ARHGAP45: variants seen among roughly 807,000 people sequenced by gnomAD.
ARHGAP45 encodes the protein rho GTPase-activating protein 45.
ARHGAP45 carries 56 observed loss-of-function variants against 116.1 expected under a neutral mutation model. The observed-to-expected ratio is 0.48, with a 90% confidence interval of 0.39 to 0.60. The LOEUF is 0.60. Among genes scored for constraint, ARHGAP45 ranks in the 20% least tolerant of loss-of-function variants. The pLI, the probability that ARHGAP45 is intolerant of heterozygous loss-of-function variation, is 0.00. For synonymous variants in ARHGAP45, 866 were observed against 701.7 expected (o/e 1.23, Z -3.70); for missense variants, 1,622 against 1,601.0 (o/e 1.01, Z -0.22).
intron 2 of ARHGAP45, among the ~76,000 whole-genome samples, chr19:1,070,328 TC>T (rs1426674610): frequency 5.4e-5 from 7 of 129,816 alleles, no homozygotes; most frequent in African/African-American, 2.2e-4. Context: ...TCTTTTCTTT[TC>T]TTTTTTTTTT....
intron 19 of ARHGAP45, among the ~76,000 whole-genome samples, chr19:1,082,200 A>T (rs1035919938): frequency 1.4e-4 from 8 of 56,502 alleles, no homozygotes; most frequent in Admixed American, 2.6e-4. Context: ...GGACAGGGAC[A>T]GGAGGGGCGG....
chr19:1,080,626 TGATGGAGGGGGCCC>T, intron 15 of ARHGAP45, 42 bp from the exon 16 acceptor site: 1 of 1,603,806 alleles, frequency 6.2e-7, no homozygotes, highest in Non-Finnish European at 8.5e-7. Flanking sequence ...CCCACCGGGG[TGATGGAGGGGGCCC>T]CCCTGGCTGG....
chr19:1,073,393 A>G (rs559936402), intron 3 of ARHGAP45, 101 bp downstream of exon 3: 2 of 1,568,028 alleles, frequency 1.3e-6, no homozygotes, highest in South Asian at 2.3e-5. Flanking sequence ...TAGGAGTTTG[A>G]CAGGCACAAG....
At position 1,085,956 on chromosome 19, in the gene ARHGAP45, G is replaced by C. The variant is rs150328583; in HGVS notation, c.3361G>C (p.Gly1121Arg). ...ACTGCCCCCCATGAGGCTCCGTGGCGGGCGGATGACACTGGGCTCCTGCAG... is the reference window on the plus strand; with the variant it reads ...ACTGCCCCCCATGAGGCTCCGTGGCCGGCGGATGACACTGGGCTCCTGCAG... ...APLPPMRLRG[G>R]RMTLGSCRER... is the part of the protein sequence containing the mutation. Residue 1121 changes from glycine to arginine, a missense_variant, in exon 23 of 23, where the codon GGG (glycine) becomes CGG (arginine). Gly to Arg is a moderately radical substitution (Grantham distance 125). Transcript: ENST00000313093. 2.5e-6 allele frequency: 4 copies of C among 1,612,784 alleles called. No individual in the cohort carries two copies. The highest frequency in any genetic ancestry group is 1.7e-5 in the Admixed American group (1 of 59,996).
At chr19:1,073,070 C>G in intron 2 of ARHGAP45, 79 bp from the exon 3 acceptor site, 1 of 1,472,144 alleles carries the variant, frequency 6.8e-7, no homozygotes, top group Non-Finnish European at 9.1e-7. Flanking sequence ...GGAACAGGAG[C>G]TCTAAAGAGG....
At chr19:1,085,442 TCC>T (rs1599778740) in intron 22 of ARHGAP45, among the ~76,000 whole-genome samples, 1 of 150,698 alleles carries the variant, frequency 6.6e-6, no homozygotes, top group African/African-American at 2.4e-5. Context: ...CTTCCGTTTC[TCC>T]CCTTGTCTCT....
chr19:1,079,727 C>T lies in ARHGAP45; in HGVS notation c.1399C>T (p.Arg467Cys), dbSNP rs754508225. 2.5e-6 allele frequency: 4 copies of T among 1,612,580 alleles called. No individual in the cohort carries two copies. Among genetic ancestry groups the T allele is most frequent in the South Asian group, 1.1e-5 (1 of 91,056 alleles). The part of the protein sequence containing the change: ...NKAEEAMATY[R>C]TCVADAKTQK... The stretch of plus-strand genomic sequence containing the variant: ...GGCGGAGGAAGCTATGGCCACCTAC[C>T]GCACCTGCGTGGCCGACGCGAAGAC... The change falls in exon 12 of 23, where the codon CGC becomes TGC. Residue 467 changes from arginine (R) to cysteine (C), a missense_variant. Coordinates refer to ENST00000313093, the MANE Select transcript of ARHGAP45 (RefSeq NM_012292.5).
At chr19:1,074,588 C>T (rs2043201564) in intron 8 of ARHGAP45, 26 bp from the exon 9 acceptor site, 3 of 1,525,888 alleles carry the variant, frequency 2.0e-6, no homozygotes, top group East Asian at 4.9e-5. Flanking sequence ...CCCTCCCCAC[C>T]CAGTGAGCCG....
In ARHGAP45 at chr19:1,073,582, C is replaced by T. The variant is rs771783235; in HGVS notation, c.642C>T (p.Phe214=). The T allele has an allele frequency of 3.1e-6, 5 of 1,613,838 alleles. No homozygotes were observed. Among genetic ancestry groups the T allele is most frequent in the Non-Finnish European group, 4.2e-6 (5 of 1,179,874 alleles). Residue 214 remains phenylalanine (F), a synonymous_variant, in exon 4 of 23, where the codon TTC becomes TTT. Transcript: ENST00000313093. ...EKALETIAVA[F]SSTVSEFLMG... ...CCCTGGAGACGATTGCTGTGGCCTT[C>T]AGTAGCACGTGAGCACGGGAGCCTG...
Position 1,074,564 on chromosome 19 carries a change from C to T in ARHGAP45, c.994-50C>T, listed in dbSNP as rs369822039. The T allele has an allele frequency of 5.6e-5, 83 of 1,470,722 alleles. No homozygotes were observed. In the African/African-American group the frequency reaches 1.0e-3, roughly 18 times the overall value. 91.1% of individuals were successfully genotyped at this position (1,470,722 alleles called of 1,614,324 possible). A position where few individuals can be genotyped will look rare whatever the true frequency, so the allele number is the denominator to read the frequency against. ...AGCTGGTGGCTGGGGGTGCTGGGGCCGCCCTGCCTCCATCCCTCCCCACCC... is the reference window on the plus strand; with the variant it reads ...AGCTGGTGGCTGGGGGTGCTGGGGCTGCCCTGCCTCCATCCCTCCCCACCC... On this transcript the variant is annotated intron_variant, in intron 8 of 22. Transcript: ENST00000313093.
At position 1,073,534 on chromosome 19, in the gene ARHGAP45, G is replaced by A. The variant is rs765767737; in HGVS notation, c.594G>A (p.Leu198=). 1.2e-6 allele frequency: 2 copies of A among 1,613,994 alleles called. No homozygotes were observed. Among genetic ancestry groups the A allele is most frequent in the Non-Finnish European group, 1.7e-6 (2 of 1,179,968 alleles). The change falls in exon 4 of 23, where the codon CTG becomes CTA. Residue 198 remains leucine (L), a synonymous_variant. Coordinates refer to ENST00000313093, the MANE Select transcript of ARHGAP45 (RefSeq NM_012292.5). ...TCCATTATGAGAGCAACAATGATCTGGAGAAACAGGAGTTCGAGAAGGCCC... is the reference window on the plus strand; with the variant it reads ...TCCATTATGAGAGCAACAATGATCTAGAGAAACAGGAGTTCGAGAAGGCCC... The part of the protein sequence containing the change: ...KAFHYESNND[L]EKQEFEKALE...
intron 21 of ARHGAP45, 120 bp downstream of exon 21, chr19:1,083,473 C>T (rs1164757372): frequency 4.6e-6 from 4 of 878,672 alleles, no homozygotes; most frequent in East Asian, 2.7e-5. Flanking sequence ...TTGGTTTGGA[C>T]AGGGCTGTTC....
Position 1,086,395 on chromosome 19 carries a change from T to G in ARHGAP45, c.*389T>G. ...GCCCTGCCCTCTCCTCACAGGTCTG[T>G]TGCAGGGACTCCAGAAACCATTCTG... On this transcript the variant is annotated 3_prime_UTR_variant, in exon 23 of 23. Coordinates refer to ENST00000313093, the MANE Select transcript of ARHGAP45 (RefSeq NM_012292.5). 1 of 194,964 alleles carries G rather than the reference T, an allele frequency of 5.1e-6. No individual in the cohort carries two copies. Among genetic ancestry groups the G allele is most frequent in the Non-Finnish European group, 1.1e-5 (1 of 93,210 alleles). The allele number at this position is 194,964 out of a possible 1,614,324, so 12.1% of individuals were successfully genotyped here.
At chr19:1,066,154 C>G, upstream of ARHGAP45, 2 of 1,535,516 alleles carry the variant, frequency 1.3e-6, no homozygotes, top group Non-Finnish European at 1.7e-6. Context: ...ATCTGCCCCT[C>G]CCACCCGAGG....
In ARHGAP45 at chr19:1,081,682, C is replaced by T. The variant is rs752374817; in HGVS notation, c.2323C>T (p.Pro775Ser). The stretch of plus-strand genomic sequence containing the variant: ...GGCCCGCAGCGCCCCCGACGGCGTG[C>T]CCTTCATCGTCAAGAAGTGCGTCTG... Reference protein sequence around the residue: ...HAARSAPDGVPFIVKKCVCEI... With the variant: ...HAARSAPDGVSFIVKKCVCEI... The change falls in exon 18 of 23, where the codon CCC becomes TCC. Residue 775 changes from proline to serine, a missense_variant. Physicochemically the swap from Pro to Ser is moderately conservative, Grantham distance 74. Transcript: ENST00000313093. The T allele has an allele frequency of 1.3e-6, 2 of 1,589,164 alleles. No homozygotes were observed. The highest frequency in any genetic ancestry group is 1.7e-6 in the Non-Finnish European group (2 of 1,168,566).
At chr19:1,075,031 C>A in intron 10 of ARHGAP45, 152 bp downstream of exon 10, 1 of 487,454 alleles carries the variant, frequency 2.1e-6, no homozygotes, top group Non-Finnish European at 3.0e-6. Context: ...TGGGCCGCCC[C>A]CCCCAACGCC....
In ARHGAP45 at chr19:1,074,336, C is replaced by T. The variant is rs367566451; in HGVS notation, c.929-7C>T. Reference sequence around the variant, plus strand: ...CCCAGCACCTCACACCCCTCTCCGGCCCGCAGAGATGGAGTTTGCCAAGGG... The same window carrying T: ...CCCAGCACCTCACACCCCTCTCCGGTCCGCAGAGATGGAGTTTGCCAAGGG... On this transcript the variant is annotated splice_polypyrimidine_tract_variant and splice_region_variant and intron_variant, in intron 7 of 22. Coordinates refer to ENST00000313093, the MANE Select transcript of ARHGAP45 (RefSeq NM_012292.5). 126 of 1,610,744 alleles carry T rather than the reference C, an allele frequency of 7.8e-5. No individual in the cohort carries two copies. In the African/African-American group the frequency reaches 1.5e-3, roughly 19 times the overall value.
chr19:1,075,718 AT>A lies in ARHGAP45; in HGVS notation c.1185+840del. On this transcript the variant is annotated intron_variant, in intron 10 of 22. Transcript: ENST00000313093. ...AGACTTGCCTTCTTGGGCTGCAATG[AT>A]CCTCCCACCTCAGCCTCCTGAGTTC... 2.6e-5 allele frequency among the ~76,000 whole-genome samples: 4 copies of A among 152,238 alleles called. No homozygotes were observed. The Middle Eastern group carries it at 0.01, about 388-fold the overall frequency.
rs749633949 is a variant in ARHGAP45, at chr19:1,073,137, T to C, written c.422-12T>C. On this transcript the variant is annotated splice_polypyrimidine_tract_variant and intron_variant, in intron 2 of 22. Transcript: ENST00000313093. ...GCCCTACCCCACTGCTCACTCCGAC[T>C]CTCCCCAGCAGACCTCCTTGAGGCC... The C allele has an allele frequency of 6.2e-7, 1 of 1,600,650 alleles. No homozygotes were observed. The highest frequency in any genetic ancestry group is 2.2e-5 in the East Asian group (1 of 44,858).
Sources: allele counts gnomAD v4.1 joint callset (sites outside exome capture counted in the v4.1 genomes callset), GRCh38; gene constraint gnomAD v4.1.1; transcripts MANE v1.5; gene names NCBI Gene and HGNC (gene_info 2026-07-23, HGNC 2026-07-21).